Variants in DGKD observed in about 807,000 individuals in gnomAD.
The protein encoded by DGKD is DAG kinase delta.
In DGKD, 68 loss-of-function variants were observed where a neutral mutation model predicts 154.4. That is an observed-to-expected ratio of 0.44 (90% confidence interval 0.36 to 0.54). The LOEUF (loss-of-function observed/expected upper bound fraction) is 0.54, where lower values mean the gene tolerates loss of function less well. Among genes scored for constraint, DGKD ranks in the 20% least tolerant of loss-of-function variants. The pLI, the probability that DGKD is intolerant of heterozygous loss-of-function variation, is 0.00. For synonymous variants in DGKD, 693 were observed against 638.0 expected (o/e 1.09, Z -1.30); for missense variants, 1,343 against 1,593.6 (o/e 0.84, Z 2.68).
At chr2:233,419,525 A>G in intron 3 of DGKD, 2 of 826,728 alleles carry the variant, frequency 2.4e-6, no homozygotes, top group Non-Finnish European at 2.9e-6. Flanking sequence ...GCTTCCTTGT[A>G]AGATGCTCCA....
chr2:233,450,964 T>G lies in DGKD; in HGVS notation c.2081T>G (p.Leu694Arg). The G allele has an allele frequency of 6.2e-7, 1 of 1,611,336 alleles. No individual in the cohort carries two copies. The highest frequency in any genetic ancestry group is 8.5e-7 in the Non-Finnish European group (1 of 1,177,614). The change falls in exon 17 of 30, where the codon CTG becomes CGG. Residue 694 changes from leucine to arginine, a missense_variant. Around this residue, in one of 6 missense-constraint regions of DGKD, gnomAD observed 409 missense variants for 446.0 expected, o/e 0.92. Transcript: ENST00000264057. Reference protein sequence around the residue: ...PCEKLISKGSLSLGSSASLPP... With the variant: ...PCEKLISKGSRSLGSSASLPP... ...GAAAAGCTGATCAGCAAAGGGAGTCTGTCCCTAGGCAGTTCTGCTTCCCTT... is the reference window on the plus strand; with the variant it reads ...GAAAAGCTGATCAGCAAAGGGAGTCGGTCCCTAGGCAGTTCTGCTTCCCTT...
At chr2:233,375,753 G>A (rs838708) in intron 1 of DGKD, among the ~76,000 whole-genome samples, 112,127 of 151,886 alleles carry the variant, frequency 0.74, 42,028 homozygotes, top group African/African-American at 0.86. Flanking sequence ...AAATTTCCAA[G>A]CAGACACGGA....
chr2:233,373,798 G>A (rs1364848871), intron 1 of DGKD, among the ~76,000 whole-genome samples: 1 of 151,852 alleles, frequency 6.6e-6, no homozygotes, highest in East Asian at 1.9e-4. Context: ...TTTAGCTTGA[G>A]ATGTAAACTG....
At chr2:233,400,689 T>G (rs2061538350) in intron 3 of DGKD, among the ~76,000 whole-genome samples, 1 of 151,996 alleles carries the variant, frequency 6.6e-6, no homozygotes, top group Non-Finnish European at 1.5e-5. Flanking sequence ...CTCCCTGAGC[T>G]CTCTCGGGTA....
intron 1 of DGKD, among the ~76,000 whole-genome samples, chr2:233,385,350 G>A (rs1466560907): frequency 3.3e-5 from 5 of 152,156 alleles, no homozygotes; most frequent in Admixed American, 3.3e-4. Context: ...GGGGAGCCCA[G>A]CACTGGGATT....
rs551255266 is a variant in DGKD, at chr2:233,440,990, A to G, written c.1086-897A>G. On this transcript the variant is annotated intron_variant, in intron 9 of 29. Transcript: ENST00000264057. The surrounding 1 kb of genome is among the most constrained non-coding windows in gnomAD (Gnocchi z 4.9). ...TCTGGACTGGGTTGGTGGTCGAGCT[A>G]CCATTCTCCGAGTAGGGATGTGTCC... Among the ~76,000 whole-genome samples, 50 of 152,246 alleles carry G rather than the reference A, an allele frequency of 3.3e-4. No homozygotes were observed. The highest frequency in any genetic ancestry group is 1.1e-3 in the African/African-American group (45 of 41,542).
chr2:233,383,758 C>T (rs886532120), intron 1 of DGKD, among the ~76,000 whole-genome samples: 1 of 152,184 alleles, frequency 6.6e-6, no homozygotes, highest in Non-Finnish European at 1.5e-5. Context: ...TCCAAATCTG[C>T]AAGGGTCTGT....
At chr2:233,360,898 A>T (rs1247600754) in intron 1 of DGKD, among the ~76,000 whole-genome samples, 1 of 151,996 alleles carries the variant, frequency 6.6e-6, no homozygotes, top group East Asian at 1.9e-4. Context: ...TAACAGATGG[A>T]ATCTCCCCTA....
rs2063724286 is a variant in DGKD, at chr2:233,463,464, G to GCATC, written c.3187-700_3187-699insCATC. Among the ~76,000 whole-genome samples the GCATC allele has an allele frequency of 5.3e-4, 14 of 26,404 alleles. 1 individual carries two copies. Among genetic ancestry groups the GCATC allele is most frequent in the African/African-American group, 2.0e-3 (9 of 4,488 alleles). 17.3% of individuals were successfully genotyped at this position (26,404 alleles called of 152,430 possible). On this transcript the variant is annotated intron_variant, in intron 26 of 29. Coordinates refer to ENST00000264057, the MANE Select transcript of DGKD (RefSeq NM_152879.3). Reference sequence around the variant, plus strand: ...CCACGCATCTCCTCACTCCACGCATGTCCTCACTGCACGCATGTCCTCACT... The same window carrying GCATC: ...CCACGCATCTCCTCACTCCACGCATGCATCTCCTCACTGCACGCATGTCCTCACT...
intron 12 of DGKD, chr2:233,447,407 G>C: frequency 2.2e-6 from 2 of 924,516 alleles, no homozygotes; most frequent in Non-Finnish European, 2.6e-6. Context: ...GTGAGCTTTT[G>C]TCAGGGGCTA....
At chr2:233,389,996 G>A (rs976093576) in intron 2 of DGKD, among the ~76,000 whole-genome samples, 20 of 152,190 alleles carry the variant, frequency 1.3e-4, no homozygotes, top group Non-Finnish European at 2.5e-4. Context: ...AGGAGGACAC[G>A]GAATCCTCAG....
chr2:233,453,100 A>T (rs1415386076), intron 18 of DGKD, among the ~76,000 whole-genome samples: 1 of 152,102 alleles, frequency 6.6e-6, no homozygotes, highest in Admixed American at 6.5e-5. Flanking sequence ...CCTGAACTGG[A>T]TATCTCCTTT....
intron 1 of DGKD, among the ~76,000 whole-genome samples, chr2:233,366,288 G>A (rs922107635): frequency 6.6e-6 from 1 of 152,222 alleles, no homozygotes; most frequent in South Asian, 2.1e-4. Context: ...CGCTGCGGTT[G>A]CCTGAGTGGA....
At chr2:233,364,275 A>G (rs919248515) in intron 1 of DGKD, among the ~76,000 whole-genome samples, 3 of 152,142 alleles carry the variant, frequency 2.0e-5, no homozygotes, top group Admixed American at 1.3e-4. Flanking sequence ...AACAAAAACA[A>G]TGTTTTTGCC....
At chr2:233,392,626 AT>A (rs1369832437) in intron 3 of DGKD, among the ~76,000 whole-genome samples, 3 of 152,184 alleles carry the variant, frequency 2.0e-5, no homozygotes, top group African/African-American at 7.2e-5. Context: ...TTTCTGCAAC[AT>A]TTTATGTAGC....
chr2:233,437,515 C>T, intron 8 of DGKD, 36 bp downstream of exon 8: 1 of 1,579,396 alleles, frequency 6.3e-7, no homozygotes, highest in Non-Finnish European at 8.7e-7. Context: ...CTCATGCACG[C>T]CCACACGCTT....
chr2:233,434,580 C>G, intron 4 of DGKD, 96 bp downstream of exon 4: 1 of 1,426,202 alleles, frequency 7.0e-7, no homozygotes, highest in Non-Finnish European at 9.8e-7. Flanking sequence ...GACCCACAGT[C>G]TGGAGCTCAC....
chr2:233,354,895 G>T lies in DGKD; in HGVS notation c.156+221G>T, dbSNP rs919048129. 6.9e-6 allele frequency among the ~76,000 whole-genome samples: 1 copy of T among 145,202 alleles called. No individual in the cohort carries two copies. Among genetic ancestry groups the T allele is most frequent in the African/African-American group, 2.5e-5 (1 of 40,340 alleles). On this transcript the variant is annotated intron_variant, in intron 1 of 29. Coordinates refer to ENST00000264057, the MANE Select transcript of DGKD (RefSeq NM_152879.3). The surrounding 1 kb of genome is among the most constrained non-coding windows in gnomAD (Gnocchi z 4.8). Reference sequence around the variant, plus strand: ...ACGGACGGCGGGCGGCTGTGGGGCCGGGCGGGGGGCGCGCAGGTGGGCGCC... The same window carrying T: ...ACGGACGGCGGGCGGCTGTGGGGCCTGGCGGGGGGCGCGCAGGTGGGCGCC...
At chr2:233,390,262 A>C (rs374915277) in intron 2 of DGKD, 141 bp from the exon 3 acceptor site, 51 of 514,186 alleles carry the variant, frequency 9.9e-5, no homozygotes, top group African/African-American at 7.9e-4. Context: ...TGGCTTATTG[A>C]TTGGATGCTA....
Sources: allele counts gnomAD v4.1 joint callset (sites outside exome capture counted in the v4.1 genomes callset), GRCh38; gene constraint gnomAD v4.1.1; regional missense constraint gnomAD v4.1.1; non-coding constraint Gnocchi (gnomAD v3.1); transcripts MANE v1.5; gene names NCBI Gene and HGNC (gene_info 2026-07-23, HGNC 2026-07-21).